Variants in NRDE2 observed in about 807,000 individuals in gnomAD.
NRDE2 encodes the protein NRDE-2, necessary for RNA interference, domain containing, also known as nuclear exosome regulator NRDE2.
A neutral mutation model predicts 124.2 loss-of-function variants in NRDE2; 76 were observed. The observed-to-expected ratio is 0.61, with a 90% CI of 0.51 to 0.74. NRDE2 has a LOEUF of 0.74. NRDE2 is among the 30% of genes least tolerant of loss of function. The pLI is 0.00. For synonymous variants in NRDE2, 489 were observed against 528.1 expected (o/e 0.93, Z 1.01); for missense variants, 1,314 against 1,417.3 (o/e 0.93, Z 1.17).
intron 13 of NRDE2, 91 bp from the exon 14 acceptor site, chr14:90,278,552 C>G (rs1891864044): frequency 5.2e-6 from 8 of 1,537,692 alleles, no homozygotes; most frequent in Non-Finnish European, 7.1e-6. Flanking sequence ...TTCCTGGTGA[C>G]CCTGCCCTCC....
chr14:90,268,022 C>A lies in NRDE2; in HGVS notation c.*10314G>T. On this transcript the variant is annotated 3_prime_UTR_variant, in exon 14 of 14. Coordinates refer to ENST00000354366, the MANE Select transcript of NRDE2 (RefSeq NM_017970.4). ...GTTCAGCAAAATAGCTAAGGATAATCCAAACATGTTAGTAGATTTTTCTAA... is the reference window on the plus strand; with the variant it reads ...GTTCAGCAAAATAGCTAAGGATAATACAAACATGTTAGTAGATTTTTCTAA... 2.0e-6 allele frequency: 1 copy of A among 491,278 alleles called. No homozygotes were observed. Among genetic ancestry groups the A allele is most frequent in the Middle Eastern group, 5.3e-4 (1 of 1,890 alleles). 30.4% of individuals were successfully genotyped at this position (491,278 alleles called of 1,614,324 possible). A position where few individuals can be genotyped will look rare whatever the true frequency, so the allele number is the denominator to read the frequency against.
chr14:90,322,503 A>G (rs1359701173), intron 1 of NRDE2, among the ~76,000 whole-genome samples: 2 of 152,174 alleles, frequency 1.3e-5, no homozygotes, highest in Non-Finnish European at 2.9e-5. Flanking sequence ...TATACCCCCA[A>G]CACCTAATCA....
At chr14:90,297,400 T>C (rs1006789194) in intron 8 of NRDE2, among the ~76,000 whole-genome samples, 1 of 152,194 alleles carries the variant, frequency 6.6e-6, no homozygotes, top group Non-Finnish European at 1.5e-5. Context: ...TGTTCCTTTT[T>C]ACTTTTTTAA....
intron 11 of NRDE2, among the ~76,000 whole-genome samples, chr14:90,287,821 T>A (rs763090903): frequency 1.3e-5 from 2 of 152,152 alleles, no homozygotes; most frequent in Non-Finnish European, 2.9e-5. Context: ...AGAGGGGAAG[T>A]GGCCTGCTCG....
At chr14:90,298,620 G>A (rs981885808) in intron 7 of NRDE2, among the ~76,000 whole-genome samples, 3 of 152,140 alleles carry the variant, frequency 2.0e-5, no homozygotes, top group East Asian at 1.9e-4. Flanking sequence ...TTTCACACTC[G>A]CATGTGAGCT....
rs991121476 is a variant in NRDE2 at position 90,269,430 on chromosome 14, T to C, written c.*8906A>G. The C allele has an allele frequency of 1.2e-6, 2 of 1,610,478 alleles. No individual in the cohort carries two copies. Among genetic ancestry groups the C allele is most frequent in the African/African-American group, 2.7e-5 (2 of 74,756 alleles). On this transcript the variant is annotated 3_prime_UTR_variant, in exon 14 of 14. Coordinates refer to ENST00000354366, the MANE Select transcript of NRDE2 (RefSeq NM_017970.4). ...CCAATTCTGGTGGTGAGAGAGAAAT[T>C]CAGCGAACAATGTTGGAACTGCTGA...
Position 90,286,365 on chromosome 14 carries a change from A to C in NRDE2, c.3286T>G (p.Leu1096Val). Residue 1096 changes from leucine to valine, a missense_variant, in exon 12 of 14, where the codon TTG (leucine) becomes GTG (valine). By Grantham distance (32) the Leu-to-Val change is conservative. Coordinates refer to ENST00000354366, the MANE Select transcript of NRDE2 (RefSeq NM_017970.4). ...SQCPLLWRMYLNFLVSLGNKE... is the reference protein window; with the variant it reads ...SQCPLLWRMYVNFLVSLGNKE... ...CAATATTTTCTTACCAGAAAGTTCA[A>C]ATACATCCTCCACAGCAAGGGGCAC... The C allele has an allele frequency of 1.2e-6, 2 of 1,613,626 alleles. No individual in the cohort carries two copies. Among genetic ancestry groups the C allele is most frequent in the Non-Finnish European group, 1.7e-6 (2 of 1,179,792 alleles).
chr14:90,291,519 A>G (rs1287774153), intron 9 of NRDE2, among the ~76,000 whole-genome samples: 5 of 152,212 alleles, frequency 3.3e-5, no homozygotes, highest in African/African-American at 4.8e-5. Context: ...TTGAGAAATG[A>G]CTTCCAGAAG....
At chr14:90,282,998 G>A (rs909923024) in intron 12 of NRDE2, among the ~76,000 whole-genome samples, 2 of 152,328 alleles carry the variant, frequency 1.3e-5, no homozygotes, top group South Asian at 2.1e-4. Context: ...AAGCAAGCAC[G>A]TATATGCACA....
Position 90,301,186 on chromosome 14 carries a change from C to G in NRDE2, c.1545+53G>C. On this transcript the variant is annotated intron_variant, in intron 7 of 13. Coordinates refer to ENST00000354366, the MANE Select transcript of NRDE2 (RefSeq NM_017970.4). ...CTCATTATCCACACCTTCCCCCTCT[C>G]CCTCCAGAGAAAGAGCCAGGAAGAG... 2.5e-6 allele frequency: 4 copies of G among 1,587,828 alleles called. No individual in the cohort carries two copies. In the South Asian group the frequency reaches 3.3e-5, roughly 13 times the overall value.
At chr14:90,290,873 G>A (rs958801639) in intron 9 of NRDE2, among the ~76,000 whole-genome samples, 5 of 152,196 alleles carry the variant, frequency 3.3e-5, no homozygotes, top group South Asian at 2.1e-4. Context: ...AGCCATGAAC[G>A]GGTTTAAGCC....
chr14:90,313,782 C>G (rs545975696), intron 3 of NRDE2, among the ~76,000 whole-genome samples: 2 of 152,282 alleles, frequency 1.3e-5, no homozygotes, highest in South Asian at 4.1e-4. Context: ...TTGGAGGCTT[C>G]TTAATTATTC....
intron 7 of NRDE2, 81 bp downstream of exon 7, chr14:90,301,158 C>T (rs564339872): frequency 1.4e-4 from 203 of 1,406,888 alleles, no homozygotes; most frequent in South Asian, 3.5e-4. Flanking sequence ...ATCCACACCA[C>T]CTCTCATTAT....
In NRDE2 at chr14:90,288,973, T is replaced by C. The variant is rs147059607; in HGVS notation, c.2402A>G (p.Lys801Arg). Residue 801 changes from lysine (K) to arginine (R), a missense_variant, in exon 11 of 14, where the codon AAA becomes AGA. Coordinates refer to ENST00000354366, the MANE Select transcript of NRDE2 (RefSeq NM_017970.4). ...CATGCCAAGTGCTGTGTCAAAAACT[T>C]TTCTGGCATCCTCCGTGTTGCCAAG... ...WLLGNTEDARKVFDTALGMAG... is the reference protein window; with the variant it reads ...WLLGNTEDARRVFDTALGMAG... 2.4e-4 allele frequency: 387 copies of C among 1,612,976 alleles called. 2 individuals are homozygous for C. The African/African-American group carries it at 4.7e-3, about 19-fold the overall frequency.
At chr14:90,290,137 G>C (rs1013251086) in intron 10 of NRDE2, 84 bp downstream of exon 10, 2 of 1,415,970 alleles carry the variant, frequency 1.4e-6, no homozygotes, top group Non-Finnish European at 1.9e-6. Context: ...TCCAGGGAGA[G>C]CACTCGGAGG....
In NRDE2 at chr14:90,298,370, A is replaced by G; in HGVS notation, c.1556T>C (p.Phe519Ser). The G allele has an allele frequency of 2.5e-6, 4 of 1,613,824 alleles. No homozygotes were observed. Among genetic ancestry groups the G allele is most frequent in the Non-Finnish European group, 3.4e-6 (4 of 1,180,028 alleles). ...DLPTKGQVEF[F>S]EPFWDSGEPR... ...CTCTCCACTGTCCCAAAAGGGTTCAAAGAATTCCACCTGTTCAGATTTTAG... is the reference window on the plus strand; with the variant it reads ...CTCTCCACTGTCCCAAAAGGGTTCAGAGAATTCCACCTGTTCAGATTTTAG... Residue 519 changes from phenylalanine (F) to serine (S), a missense_variant, in exon 8 of 14, where the codon TTT becomes TCT. Phe to Ser is a radical substitution (Grantham distance 155). Transcript: ENST00000354366.
At chr14:90,325,335 A>T (rs965086992) in intron 1 of NRDE2, among the ~76,000 whole-genome samples, 1 of 152,192 alleles carries the variant, frequency 6.6e-6, no homozygotes, top group Non-Finnish European at 1.5e-5. Flanking sequence ...GTTCTAGGGT[A>T]CACGATCCTA....
At chr14:90,282,175 A>G (rs188153212) in intron 12 of NRDE2, among the ~76,000 whole-genome samples, 49 of 152,358 alleles carry the variant, frequency 3.2e-4, no homozygotes, top group African/African-American at 1.2e-3. Context: ...ATTTTAGCTA[A>G]AACAACAAAA....
Position 90,269,541 on chromosome 14 carries a change from C to T in NRDE2, c.*8795G>A, listed in dbSNP as rs1324959087. On this transcript the variant is annotated 3_prime_UTR_variant, in exon 14 of 14. Coordinates refer to ENST00000354366, the MANE Select transcript of NRDE2 (RefSeq NM_017970.4). ...TAGAAACTTTGGATCCAGCACTTAT[C>T]AGACCAGGTTAAATTTGCTTTGGTT... 3.7e-6 allele frequency: 6 copies of T among 1,613,268 alleles called. No individual in the cohort carries two copies. Among genetic ancestry groups the T allele is most frequent in the Admixed American group, 3.3e-5 (2 of 59,880 alleles).
Sources: allele counts gnomAD v4.1 joint callset (sites outside exome capture counted in the v4.1 genomes callset), GRCh38; gene constraint gnomAD v4.1.1; transcripts MANE v1.5; gene names NCBI Gene and HGNC (gene_info 2026-07-23, HGNC 2026-07-21).